PTAR1: variants seen among roughly 807,000 people sequenced by gnomAD.
PTAR1 encodes protein prenyltransferase alpha subunit repeat-containing protein 1.
In PTAR1, 17 loss-of-function variants were observed where a neutral mutation model predicts 45.5. The observed-to-expected ratio is 0.37, with a 90% CI of 0.26 to 0.56. The LOEUF is 0.56. PTAR1 is among the 20% of genes least tolerant of loss of function. The pLI is 0.77. For missense variants in PTAR1, 391 were observed against 476.3 expected (o/e 0.82, Z 1.67); for synonymous variants, 169 against 171.3 (o/e 0.99, Z 0.11).
intron 5 of PTAR1, among the ~76,000 whole-genome samples, chr9:69,727,054 T>TA (rs947851868): frequency 1.2e-4 from 16 of 136,610 alleles, no homozygotes; most frequent in African/African-American, 4.2e-4. Flanking sequence ...CACACACACG[T>TA]ATACACACAC....
intron 3 of PTAR1, among the ~76,000 whole-genome samples, chr9:69,735,114 G>C (rs1276215955): frequency 1.3e-5 from 2 of 152,122 alleles, no homozygotes; most frequent in African/African-American, 4.8e-5. Flanking sequence ...TGATATACGA[G>C]GCCATTCCTT....
intron 3 of PTAR1, among the ~76,000 whole-genome samples, chr9:69,739,719 T>C (rs1169640075): frequency 6.6e-6 from 1 of 152,224 alleles, no homozygotes; most frequent in African/African-American, 2.4e-5. Context: ...GTTGGTAGTT[T>C]GTTGCTCAAA....
rs1396023675 is a variant in PTAR1, at chr9:69,710,147, T to C, written c.*8195A>G. On this transcript the variant is annotated 3_prime_UTR_variant, in exon 8 of 8. Coordinates refer to ENST00000340434, the MANE Select transcript of PTAR1 (RefSeq NM_001099666.2). The stretch of plus-strand genomic sequence containing the variant: ...TCATATTTTATACTCTATGAATCTG[T>C]ACTGTCCAGTATAGTAGCCCTTAGC... 6.6e-6 allele frequency: 1 copy of C among 152,120 alleles called. No homozygotes were observed. Among genetic ancestry groups the C allele is most frequent in the Admixed American group, 6.6e-5 (1 of 15,262 alleles). The allele number at this position is 152,120 out of a possible 1,614,324, so 9.4% of individuals were successfully genotyped here.
chr9:69,723,260 A>G lies in PTAR1; in HGVS notation c.947+66T>C, dbSNP rs112645213. The G allele has an allele frequency of 2.2e-4, 300 of 1,372,574 alleles. No homozygotes were observed. In the African/African-American group the frequency reaches 3.8e-3, roughly 17 times the overall value. 85.0% of individuals were successfully genotyped at this position (1,372,574 alleles called of 1,614,324 possible). A position where few individuals can be genotyped will look rare whatever the true frequency, so the allele number is the denominator to read the frequency against. ...AGCAGGCAGGAATCAGGTGTAACTA[A>G]CACTTTCTGCAGCTCTCATGAAGAC... On this transcript the variant is annotated intron_variant, in intron 6 of 7. Transcript: ENST00000340434.
chr9:69,743,892 T>C (rs936063953), intron 2 of PTAR1, among the ~76,000 whole-genome samples: 4 of 152,094 alleles, frequency 2.6e-5, no homozygotes, highest in African/African-American at 9.7e-5. Flanking sequence ...AGTAGAAACA[T>C]AAACCACATT....
Position 69,723,648 on chromosome 9 carries a change from G to C in PTAR1, c.643-18C>G. 1 of 1,573,428 alleles carries C rather than the reference G, an allele frequency of 6.4e-7. No individual in the cohort carries two copies. Among genetic ancestry groups the C allele is most frequent in the Non-Finnish European group, 8.7e-7 (1 of 1,154,772 alleles). Reference sequence around the variant, plus strand: ...AGAAGAATCTTTTAAGAAGAAAAAAGGGAAGTAAGAAGAAGAGTTCCCAAA... The same window carrying C: ...AGAAGAATCTTTTAAGAAGAAAAAACGGAAGTAAGAAGAAGAGTTCCCAAA... On this transcript the variant is annotated intron_variant, in intron 5 of 7. Transcript: ENST00000340434.
intron 3 of PTAR1, among the ~76,000 whole-genome samples, chr9:69,737,701 CCT>C (rs1426815699): frequency 6.6e-6 from 1 of 152,160 alleles, no homozygotes; most frequent in Non-Finnish European, 1.5e-5. Context: ...TTGAACACTT[CCT>C]CTGAGTCAAG....
intron 2 of PTAR1, among the ~76,000 whole-genome samples, chr9:69,742,971 T>C (rs1178897097): frequency 6.6e-6 from 1 of 152,094 alleles, no homozygotes; most frequent in Non-Finnish European, 1.5e-5. Context: ...TTTGTCTTAC[T>C]AAAACTGAAA....
rs1422442126 is a variant in PTAR1, at chr9:69,750,774, T to C, written c.256+7A>G. The C allele has an allele frequency of 6.3e-7, 1 of 1,598,592 alleles. No homozygotes were observed. The highest frequency in any genetic ancestry group is 8.5e-7 in the Non-Finnish European group (1 of 1,172,390). Reference sequence around the variant, plus strand: ...AACCAAATGAAGAAAATATGATTCATACTTACCATCTCTGTTCAGCCATTG... The same window carrying C: ...AACCAAATGAAGAAAATATGATTCACACTTACCATCTCTGTTCAGCCATTG... On this transcript the variant is annotated splice_region_variant and intron_variant, in intron 2 of 7. Transcript: ENST00000340434.
In PTAR1 at chr9:69,759,978, G is replaced by A. The variant is rs1343079371; in HGVS notation, c.-40C>T. The A allele has an allele frequency of 2.1e-6, 3 of 1,417,812 alleles. No individual in the cohort carries two copies. The highest frequency in any genetic ancestry group is 9.3e-7 in the Non-Finnish European group (1 of 1,075,488). The allele number at this position is 1,417,812 out of a possible 1,614,324, so 87.8% of individuals were successfully genotyped here. On this transcript the variant is annotated 5_prime_UTR_variant, in exon 1 of 8. Coordinates refer to ENST00000340434, the MANE Select transcript of PTAR1 (RefSeq NM_001099666.2). Reference sequence around the variant, plus strand: ...CGACAGTTCGGGCGCGCCTCCGCGTGAGCCGGGCCGCCGGCGGGAGTTCCG... The same window carrying A: ...CGACAGTTCGGGCGCGCCTCCGCGTAAGCCGGGCCGCCGGCGGGAGTTCCG...
chr9:69,756,658 A>G (rs1826791318), intron 1 of PTAR1, among the ~76,000 whole-genome samples: 1 of 152,016 alleles, frequency 6.6e-6, no homozygotes, highest in South Asian at 2.1e-4. Context: ...GAGACTACAA[A>G]TCCTACCCAG....
chr9:69,741,687 G>A (rs373525825), intron 3 of PTAR1, 105 bp downstream of exon 3: 2 of 734,262 alleles, frequency 2.7e-6, no homozygotes, highest in South Asian at 1.6e-5. Context: ...AGAAATAAGT[G>A]TAAAATGGTT....
intron 1 of PTAR1, among the ~76,000 whole-genome samples, chr9:69,754,532 CTTTTTTTTT>C (rs60025062): frequency 5.2e-5 from 4 of 76,260 alleles, no homozygotes; most frequent in Admixed American, 3.0e-4. Flanking sequence ...GGGTATATAT[CTTTTTTTTT>C]TTTTTTTTTT....
chr9:69,720,795 C>T (rs1824962106), intron 6 of PTAR1, among the ~76,000 whole-genome samples: 1 of 152,124 alleles, frequency 6.6e-6, no homozygotes, highest in Non-Finnish European at 1.5e-5. Flanking sequence ...TCTACTCTGC[C>T]TGTATGTTGA....
intron 3 of PTAR1, among the ~76,000 whole-genome samples, chr9:69,739,048 C>T (rs1825922326): frequency 6.6e-6 from 1 of 152,048 alleles, no homozygotes; most frequent in African/African-American, 2.4e-5. Flanking sequence ...CCTCGTGATC[C>T]ACCCACCTTG....
rs373204386 is a variant in PTAR1, at chr9:69,727,641, ATAT to A, written c.643-4014_643-4012del. Among the ~76,000 whole-genome samples the A allele has an allele frequency of 5.2e-3, 792 of 152,256 alleles. 8 individuals carry two copies. The highest frequency in any genetic ancestry group is 0.016 in the African/African-American group (662 of 41,554). ...TATTCATCATTAATGAAATATGTAC[ATAT>A]TATGTATTGGAATTTGTTTCTGGAC... On this transcript the variant is annotated intron_variant, in intron 5 of 7. Transcript: ENST00000340434.
At chr9:69,749,542 T>C (rs776570934) in intron 2 of PTAR1, among the ~76,000 whole-genome samples, 3 of 152,116 alleles carry the variant, frequency 2.0e-5, no homozygotes, top group Non-Finnish European at 4.4e-5. Flanking sequence ...ATTTGGGCTA[T>C]GGCTAAACTT....
intron 3 of PTAR1, among the ~76,000 whole-genome samples, chr9:69,740,785 T>C (rs907072127): frequency 1.1e-4 from 16 of 152,056 alleles, no homozygotes; most frequent in Non-Finnish European, 1.5e-4. Context: ...TGCTGTCCAA[T>C]AGAAATATAA....
At chr9:69,738,994 G>A (rs1399563699) in intron 3 of PTAR1, among the ~76,000 whole-genome samples, 1 of 151,964 alleles carries the variant, frequency 6.6e-6, no homozygotes, top group Non-Finnish European at 1.5e-5. Flanking sequence ...TTTTAGTAGA[G>A]ATGGGGTTTC....
Sources: allele counts gnomAD v4.1 joint callset (sites outside exome capture counted in the v4.1 genomes callset), GRCh38; gene constraint gnomAD v4.1.1; transcripts MANE v1.5; gene names NCBI Gene and HGNC (gene_info 2026-07-23, HGNC 2026-07-21).